The following MYO5B variants were observed in gnomAD, a reference collection of about 807,000 sequenced individuals.
MYO5B encodes the protein myosin VB.
A neutral mutation model predicts 229.3 loss-of-function variants in MYO5B; 143 were observed. The observed-to-expected ratio is 0.62, with a 90% CI of 0.54 to 0.72. MYO5B has a LOEUF of 0.72. MYO5B is among the 30% of genes least tolerant of loss of function. The pLI, the probability that MYO5B is intolerant of heterozygous loss-of-function variation, is 0.00. For synonymous variants in MYO5B, 918 were observed against 885.2 expected (o/e 1.04, Z -0.66); for missense variants, 2,321 against 2,331.0 (o/e 1.00, Z 0.09).
chr18:50,071,541 C>T (rs1021277519), intron 1 of MYO5B, among the ~76,000 whole-genome samples: 1 of 152,176 alleles, frequency 6.6e-6, no homozygotes, highest in Non-Finnish European at 1.5e-5. Context: ...AAAAATAGTA[C>T]TATCTAAATA....
intron 1 of MYO5B, among the ~76,000 whole-genome samples, chr18:50,120,043 A>T (rs920196210): frequency 5.9e-5 from 9 of 152,244 alleles, no homozygotes. Flanking sequence ...AAAAGGCATT[A>T]AACAGAAACA....
chr18:50,038,268 C>T (rs916600620), intron 3 of MYO5B, among the ~76,000 whole-genome samples: 2 of 152,110 alleles, frequency 1.3e-5, no homozygotes, highest in South Asian at 2.1e-4. Flanking sequence ...AAGGAGAAGG[C>T]AATGAAAGGG....
chr18:49,953,492 T>A (rs1380878345), intron 13 of MYO5B, 149 bp from the exon 14 acceptor site: 2 of 721,322 alleles, frequency 2.8e-6, no homozygotes, highest in African/African-American at 3.5e-5. Flanking sequence ...GCAAACCCAA[T>A]AAATGGTCAG....
intron 1 of MYO5B, among the ~76,000 whole-genome samples, chr18:50,060,475 A>G (rs994782016): frequency 6.6e-6 from 1 of 152,182 alleles, no homozygotes; most frequent in Non-Finnish European, 1.5e-5. Context: ...CCCAATTACC[A>G]TACCACTCAA....
chr18:49,926,605 A>T (rs777004500), intron 17 of MYO5B, among the ~76,000 whole-genome samples: 2 of 152,186 alleles, frequency 1.3e-5, no homozygotes, highest in Non-Finnish European at 2.9e-5. Context: ...CTTCACCCCT[A>T]TTTCAGGCAA....
At chr18:49,891,378 G>T (rs187499704) in intron 22 of MYO5B, among the ~76,000 whole-genome samples, 2 of 152,256 alleles carry the variant, frequency 1.3e-5, no homozygotes, top group South Asian at 2.1e-4. Context: ...TAGCCCTTGG[G>T]GGGTAATTCA....
intron 35 of MYO5B, chr18:49,840,315 G>C (rs2024041184): frequency 6.6e-6 from 1 of 152,206 alleles, no homozygotes; most frequent in Non-Finnish European, 1.5e-5. Flanking sequence ...CATGGGGTTT[G>C]AAATGGCTAT....
rs180868486 is a variant in MYO5B at position 49,877,859 on chromosome 18, G to C, written c.3300C>G (p.Asn1100Lys). 6.2e-7 allele frequency: 1 copy of C among 1,614,160 alleles called. No individual in the cohort carries two copies. Among genetic ancestry groups the C allele is most frequent in the East Asian group, 2.2e-5 (1 of 44,886 alleles). ...IIKQTPGHRR[N>K]PSNQSSLESD... is the part of the protein sequence containing the mutation. Reference sequence around the variant, plus strand: ...ATTCTAAGCTACTTTGGTTTGATGGGTTCCGCCTATGACCTGGAGTTTGCT... The same window carrying C: ...ATTCTAAGCTACTTTGGTTTGATGGCTTCCGCCTATGACCTGGAGTTTGCT... Residue 1100 changes from asparagine (N) to lysine (K), a missense_variant, in exon 25 of 40, where the codon AAC becomes AAG. This residue lies in a region of MYO5B where 2,113 missense variants were observed against 2,044.7 expected (regional missense o/e 1.03). Transcript: ENST00000285039.
At chr18:49,947,553 A>C (rs2025388308) in intron 14 of MYO5B, among the ~76,000 whole-genome samples, 1 of 152,232 alleles carries the variant, frequency 6.6e-6, no homozygotes, top group Non-Finnish European at 1.5e-5. Flanking sequence ...AGTGTATAGT[A>C]ATCAGATCAG....
intron 2 of MYO5B, among the ~76,000 whole-genome samples, chr18:50,042,720 C>A (rs185173444): frequency 1.8e-4 from 28 of 152,340 alleles, no homozygotes; most frequent in African/African-American, 4.6e-4. Context: ...AGCATCCCAA[C>A]CACACCTCGG....
At chr18:49,979,893 T>A (rs1190221229) in intron 9 of MYO5B, among the ~76,000 whole-genome samples, 3 of 152,176 alleles carry the variant, frequency 2.0e-5, no homozygotes. Flanking sequence ...CTACCACATA[T>A]CAGTACTACA....
intron 14 of MYO5B, among the ~76,000 whole-genome samples, chr18:49,942,800 G>A (rs1170607367): frequency 9.2e-5 from 14 of 152,194 alleles, no homozygotes; most frequent in African/African-American, 2.9e-4. Flanking sequence ...TGTGGAAGTT[G>A]GTGTGGCGAT....
At chr18:50,084,107 C>A (rs985395697) in intron 1 of MYO5B, among the ~76,000 whole-genome samples, 3 of 152,140 alleles carry the variant, frequency 2.0e-5, no homozygotes, top group African/African-American at 7.2e-5. Flanking sequence ...ATATCTGGCA[C>A]CTAGTTGCTA....
intron 1 of MYO5B, among the ~76,000 whole-genome samples, chr18:50,070,315 C>T (rs965564077): frequency 6.6e-5 from 10 of 152,180 alleles, no homozygotes; most frequent in East Asian, 3.9e-4. Context: ...TGAGCTATCG[C>T]GCCCAGCTGC....
intron 12 of MYO5B, among the ~76,000 whole-genome samples, chr18:49,957,944 T>C (rs1434322725): frequency 6.6e-6 from 1 of 152,102 alleles, no homozygotes; most frequent in African/African-American, 2.4e-5. Context: ...CCCCCAGGAC[T>C]CTGCAGTCCT....
chr18:49,866,410 G>A (rs943275904), intron 27 of MYO5B, among the ~76,000 whole-genome samples: 3 of 152,096 alleles, frequency 2.0e-5, no homozygotes, highest in Non-Finnish European at 2.9e-5. Context: ...GTGACATTAA[G>A]TCCATTTATG....
At position 50,161,429 on chromosome 18, in the gene MYO5B, G is replaced by A. The variant is rs146537549; in HGVS notation, c.27+33338C>T. 7.2e-5 allele frequency among the ~76,000 whole-genome samples: 11 copies of A among 152,128 alleles called. No homozygotes were observed. In the East Asian group the frequency reaches 1.9e-3, roughly 27 times the overall value. On this transcript the variant is annotated intron_variant, in intron 1 of 39. Coordinates refer to ENST00000285039, the MANE Select transcript of MYO5B (RefSeq NM_001080467.3). ...ACCATGAAGGACCGCTCCCCTCTAA[G>A]GGAGTGGGGGGACTATACCTAAACA...
intron 26 of MYO5B, among the ~76,000 whole-genome samples, chr18:49,875,038 T>C (rs1304809496): frequency 3.9e-5 from 6 of 152,252 alleles, no homozygotes; most frequent in Non-Finnish European, 4.4e-5. Flanking sequence ...GGAATTTCTC[T>C]TATATTGTTA....
At chr18:50,139,796 A>T (rs1391391317) in intron 1 of MYO5B, among the ~76,000 whole-genome samples, 3 of 152,182 alleles carry the variant, frequency 2.0e-5, no homozygotes, top group Non-Finnish European at 4.4e-5. Context: ...ACCACCCCCA[A>T]CCAGCAAATT....
Sources: allele counts gnomAD v4.1 joint callset (sites outside exome capture counted in the v4.1 genomes callset), GRCh38; gene constraint gnomAD v4.1.1; regional missense constraint gnomAD v4.1.1; transcripts MANE v1.5; gene names NCBI Gene and HGNC (gene_info 2026-07-23, HGNC 2026-07-21).